The following CLHC1 variants were observed in gnomAD, a reference collection of about 807,000 sequenced individuals.
The protein encoded by CLHC1 is clathrin heavy chain linker domain-containing protein 1.
CLHC1 carries 72 observed loss-of-function variants against 69.5 expected under a neutral mutation model. The ratio of observed to expected loss-of-function variants is 1.04; its 90% confidence interval spans 0.86 to 1.26. The LOEUF (loss-of-function observed/expected upper bound fraction) is 1.26. Ranked by LOEUF, CLHC1 falls within the 50% of genes most tolerant of loss-of-function variation. The pLI, the probability that CLHC1 is intolerant of heterozygous loss-of-function variation, is 0.00. For missense variants in CLHC1, 790 were observed against 679.3 expected, an observed-to-expected ratio of 1.16 and a Z score of -1.81; for synonymous variants, 223 against 224.3, an observed-to-expected ratio of 0.99 and a Z score of 0.05.
chr2:55,231,630 A>G (rs1311132530), intron 1 of CLHC1, among the ~76,000 whole-genome samples: 1 of 152,158 alleles, frequency 6.6e-6, no homozygotes, highest in African/African-American at 2.4e-5. Context: ...ATGAAGAAAT[A>G]AATACAGAAG....
chr2:55,178,183 G>GT (rs745819209), intron 11 of CLHC1, among the ~76,000 whole-genome samples: 10 of 152,118 alleles, frequency 6.6e-5, no homozygotes, highest in Non-Finnish European at 1.5e-4. Flanking sequence ...ACTACAGTTT[G>GT]TTTGTCTATA....
At chr2:55,222,988 T>C (rs1674299799) in intron 2 of CLHC1, among the ~76,000 whole-genome samples, 1 of 142,244 alleles carries the variant, frequency 7.0e-6, no homozygotes, top group South Asian at 2.2e-4. Flanking sequence ...GGGACAGAAA[T>C]ACCAAACACC....
At chr2:55,191,892 C>T (rs1670967176) in intron 9 of CLHC1, among the ~76,000 whole-genome samples, 1 of 152,070 alleles carries the variant, frequency 6.6e-6, no homozygotes, top group Non-Finnish European at 1.5e-5. Flanking sequence ...CTCCCAGTTA[C>T]TCTAGAGGCT....
chr2:55,231,108 G>A (rs1004174164), intron 1 of CLHC1, among the ~76,000 whole-genome samples: 1 of 152,064 alleles, frequency 6.6e-6, no homozygotes, highest in East Asian at 1.9e-4. Flanking sequence ...AAATTAGCCG[G>A]GTGTGGTGGT....
In CLHC1 at chr2:55,208,604, T is replaced by G. The variant is rs190963114; in HGVS notation, c.899+22A>C. ...TATGAAAAAATATAATTCTGAAAAA[T>G]TAAAGCTTTTAAAATATTTGCCTTT... On this transcript the variant is annotated intron_variant, in intron 8 of 12. Coordinates refer to ENST00000401408, the MANE Select transcript of CLHC1 (RefSeq NM_152385.4). The G allele has an allele frequency of 4.1e-6, 6 of 1,472,448 alleles. No individual in the cohort carries two copies. In the African/African-American group the frequency reaches 8.4e-5, roughly 21 times the overall value. 91.2% of individuals were successfully genotyped at this position (1,472,448 alleles called of 1,614,324 possible).
At chr2:55,230,931 C>G (rs761554990) in intron 1 of CLHC1, among the ~76,000 whole-genome samples, 1 of 152,086 alleles carries the variant, frequency 6.6e-6, no homozygotes, top group Non-Finnish European at 1.5e-5. Flanking sequence ...GTTGTAGAGA[C>G]TAGTTGGCGG....
rs781138120 is a variant in CLHC1 at position 55,212,740 on chromosome 2, C to T, written c.432G>A (p.Arg144=). ...TTACTTCTTTTGTGTCATACTCTGCCCTACACTGCTTGATGTGATCTATTT... is the reference window on the plus strand; with the variant it reads ...TTACTTCTTTTGTGTCATACTCTGCTCTACACTGCTTGATGTGATCTATTT... ...QSQIDHIKQC[R]AEYDTKEVKY... The change falls in exon 5 of 13, where the codon AGG becomes AGA. Residue 144 remains arginine, a synonymous_variant. Coordinates refer to ENST00000401408, the MANE Select transcript of CLHC1 (RefSeq NM_152385.4). 3 of 1,594,698 alleles carry T rather than the reference C, an allele frequency of 1.9e-6. No homozygotes were observed. Among genetic ancestry groups the T allele is most frequent in the Non-Finnish European group, 2.6e-6 (3 of 1,162,442 alleles).
chr2:55,218,027 T>C, intron 3 of CLHC1, 29 bp from the exon 4 acceptor site: 2 of 1,245,450 alleles, frequency 1.6e-6, no homozygotes, highest in Non-Finnish European at 2.1e-6. Context: ...GCCTATGGTA[T>C]TGATTTTTTT....
At chr2:55,191,923 G>C (rs1382152976) in intron 9 of CLHC1, among the ~76,000 whole-genome samples, 1 of 152,094 alleles carries the variant, frequency 6.6e-6, no homozygotes, top group Non-Finnish European at 1.5e-5. Flanking sequence ...GATCCCTTGA[G>C]TCCAGAAGTT....
intron 8 of CLHC1, among the ~76,000 whole-genome samples, chr2:55,207,107 T>A (rs2103919437): frequency 1.3e-5 from 2 of 150,742 alleles, no homozygotes; most frequent in Middle Eastern, 3.4e-3. Flanking sequence ...AGAGTGAGAC[T>A]CCGTCTGAAA....
intron 9 of CLHC1, among the ~76,000 whole-genome samples, chr2:55,196,221 T>G (rs1038692682): frequency 4.6e-5 from 7 of 152,202 alleles, no homozygotes; most frequent in African/African-American, 1.7e-4. Flanking sequence ...CAGGCTCAAG[T>G]GCTTTGGGGT....
intron 4 of CLHC1, chr2:55,214,699 A>G (rs1673330400): frequency 6.6e-6 from 1 of 152,338 alleles, no homozygotes; most frequent in African/African-American, 2.4e-5. Flanking sequence ...AACAAAAGAT[A>G]TGTCAAAAAT....
chr2:55,195,600 G>A (rs919783453), intron 9 of CLHC1, among the ~76,000 whole-genome samples: 5 of 152,032 alleles, frequency 3.3e-5, no homozygotes, highest in African/African-American at 4.8e-5. Flanking sequence ...TCAGGAATTC[G>A]AGACCAGCCT....
chr2:55,181,617 T>C lies in CLHC1; in HGVS notation c.1134A>G (p.Leu378=). ...TAACTAAATCTAACCGTTTTTCTGA[T>C]AATCCACATTTGATTCCTTCCAGGG... ...ALTLEGIKCG[L]SEKRLDLVTN... is the part of the protein sequence containing the mutation. Residue 378 remains leucine, a synonymous_variant, in exon 10 of 13, where the codon TTA becomes TTG. Transcript: ENST00000401408. 6.2e-7 allele frequency: 1 copy of C among 1,613,350 alleles called. No individual in the cohort carries two copies. The highest frequency in any genetic ancestry group is 8.5e-7 in the Non-Finnish European group (1 of 1,179,834).
intron 1 of CLHC1, among the ~76,000 whole-genome samples, chr2:55,230,665 C>T (rs893114081): frequency 1.3e-5 from 2 of 152,048 alleles, no homozygotes; most frequent in East Asian, 1.9e-4. Flanking sequence ...AAAGAGCCTC[C>T]AGGGTGGCAG....
In CLHC1 at chr2:55,177,583, A is replaced by G; in HGVS notation, c.1564+19T>C. On this transcript the variant is annotated intron_variant, in intron 12 of 12. Coordinates refer to ENST00000401408, the MANE Select transcript of CLHC1 (RefSeq NM_152385.4). ...GATAACCCACTACTATTTCTCCCAC[A>G]ACATTTTATTCTACTTACCTATCCC... is the stretch of plus-strand genomic sequence containing the variant. 3 of 1,548,164 alleles carry G rather than the reference A, an allele frequency of 1.9e-6. No individual in the cohort carries two copies. The South Asian group carries it at 3.6e-5, about 19-fold the overall frequency.
chr2:55,173,970 T>C lies in CLHC1; in HGVS notation c.*1820A>G, dbSNP rs971575102. 1.4e-5 allele frequency among the ~76,000 whole-genome samples: 2 copies of C among 143,534 alleles called. No individual in the cohort carries two copies. Among genetic ancestry groups the C allele is most frequent in the African/African-American group, 5.2e-5 (2 of 38,432 alleles). The allele number at this position is 143,534 out of a possible 152,430, so 94.2% of individuals were successfully genotyped here. On this transcript the variant is annotated 3_prime_UTR_variant, in exon 13 of 13. Transcript: ENST00000401408. ...CATTTTTTTTTCTAAGCTCTGTCAA[T>C]GGACACATAATAGCTTTCTATCAAT...
intron 8 of CLHC1, among the ~76,000 whole-genome samples, chr2:55,207,617 C>T (rs1394394164): frequency 6.6e-6 from 1 of 152,012 alleles, no homozygotes; most frequent in Non-Finnish European, 1.5e-5. Context: ...TACAGATAAG[C>T]GTCATAGCCT....
intron 5 of CLHC1, among the ~76,000 whole-genome samples, chr2:55,212,014 T>C (rs777382817): frequency 2.6e-5 from 4 of 152,140 alleles, no homozygotes; most frequent in Non-Finnish European, 5.9e-5. Context: ...CAGTGGCTCA[T>C]GCCTTTAATC....
Sources: gnomAD v4.1 joint callset for allele counts (sites outside exome capture counted in the v4.1 genomes callset) on GRCh38, gnomAD v4.1.1 for gene constraint, MANE v1.5 for transcripts, NCBI Gene and HGNC (gene_info 2026-07-23, HGNC 2026-07-21) for gene names.